The following DGKB variants were observed in gnomAD, a reference collection of about 807,000 sequenced individuals.
DGKB encodes 90 kDa diacylglycerol kinase.
A neutral mutation model predicts 114.3 loss-of-function variants in DGKB; 67 were observed. The observed-to-expected ratio is 0.59, with a 90% CI of 0.48 to 0.72. The LOEUF (loss-of-function observed/expected upper bound fraction) is 0.72, where lower values mean the gene tolerates loss of function less well. DGKB is among the 30% of genes least tolerant of loss of function. The probability of loss-of-function intolerance (pLI) is 0.00; values close to 1 mark genes in which losing one functional copy is unlikely to be tolerated. For synonymous variants in DGKB, 398 were observed against 323.1 expected (o/e 1.23, Z -2.49); for missense variants, 907 against 975.2 (o/e 0.93, Z 0.93).
In DGKB at chr7:14,701,745, G is replaced by A; in HGVS notation, c.467-15C>T. 1 of 1,588,846 alleles carries A rather than the reference G, an allele frequency of 6.3e-7. No individual in the cohort carries two copies. Among genetic ancestry groups the A allele is most frequent in the Non-Finnish European group, 8.6e-7 (1 of 1,158,128 alleles). On this transcript the variant is annotated splice_polypyrimidine_tract_variant and intron_variant, in intron 6 of 25. Coordinates refer to ENST00000402815, the MANE Select transcript of DGKB (RefSeq NM_001350709.2). Reference sequence around the variant, plus strand: ...GCGAAACATAACTAGAATGAAAGAGGTGTTGAAAACAAGATTATAGGCAAA... The same window carrying A: ...GCGAAACATAACTAGAATGAAAGAGATGTTGAAAACAAGATTATAGGCAAA...
rs1258833738 is a variant in DGKB at position 14,769,226 on chromosome 7, GAGAGAA to G, written c.71-11501_71-11496del. On this transcript the variant is annotated intron_variant, in intron 2 of 25. Coordinates refer to ENST00000402815, the MANE Select transcript of DGKB (RefSeq NM_001350709.2). ...AAGAAAGGAAAGAAAGAGAAAGAGA[GAGAGAA>G]AGAAAGAAAGAAAGAAAGAAAGAAA... is the stretch of plus-strand genomic sequence containing the variant. Among the ~76,000 whole-genome samples, 7 of 137,522 alleles carry G rather than the reference GAGAGAA, an allele frequency of 5.1e-5. 1 individual carries two copies. The South Asian group carries it at 7.0e-4, about 14-fold the overall frequency. 90.2% of individuals were successfully genotyped at this position (137,522 alleles called of 152,430 possible).
At chr7:14,900,394 T>C (rs923230961) in intron 1 of DGKB, among the ~76,000 whole-genome samples, 1 of 152,152 alleles carries the variant, frequency 6.6e-6, no homozygotes, top group Non-Finnish European at 1.5e-5. Context: ...TGCAACAGTA[T>C]TGTGCATATA....
intron 21 of DGKB, among the ~76,000 whole-genome samples, chr7:14,356,554 G>T (rs1311455548): frequency 1.3e-5 from 2 of 151,644 alleles, no homozygotes; most frequent in Non-Finnish European, 2.9e-5. Context: ...GTAGAGATGG[G>T]TTTCATTGTG....
At chr7:14,327,055 C>T (rs561582025) in intron 23 of DGKB, among the ~76,000 whole-genome samples, 6 of 152,140 alleles carry the variant, frequency 3.9e-5, no homozygotes, top group African/African-American at 1.4e-4. Context: ...AACTTTTATA[C>T]CTATAGTAAT....
At chr7:14,511,164 T>C (rs1443317011) in intron 20 of DGKB, among the ~76,000 whole-genome samples, 6 of 152,216 alleles carry the variant, frequency 3.9e-5, no homozygotes, top group South Asian at 4.1e-4. Flanking sequence ...TTTGAAGCCA[T>C]GTACTGGCCT....
intron 2 of DGKB, among the ~76,000 whole-genome samples, chr7:14,781,294 T>C (rs1465949094): frequency 6.6e-6 from 1 of 152,204 alleles, no homozygotes; most frequent in African/African-American, 2.4e-5. Flanking sequence ...CTGCTTATCT[T>C]TCAATTCAGT....
At chr7:14,512,314 T>G (rs1482186140) in intron 20 of DGKB, among the ~76,000 whole-genome samples, 1 of 152,180 alleles carries the variant, frequency 6.6e-6, no homozygotes, top group East Asian at 1.9e-4. Flanking sequence ...CTTTACAAGA[T>G]GGAATTATTG....
At chr7:14,708,142 A>C (rs1262912096) in intron 6 of DGKB, among the ~76,000 whole-genome samples, 1 of 60,176 alleles carries the variant, frequency 1.7e-5, no homozygotes, top group Non-Finnish European at 2.9e-5. Context: ...AAATCAATGT[A>C]CAAAAATCAC....
At chr7:14,209,490 G>T (rs1787400321) in intron 23 of DGKB, 1 of 491,708 alleles carries the variant, frequency 2.0e-6, no homozygotes, top group South Asian at 1.5e-5. Context: ...CCTTCCAAAG[G>T]TTTTTTTATC....
chr7:14,614,201 C>A (rs1806111292), intron 15 of DGKB, among the ~76,000 whole-genome samples: 1 of 152,070 alleles, frequency 6.6e-6, no homozygotes, highest in Admixed American at 6.6e-5. Context: ...AGCAATGAAA[C>A]ATGCCACGAT....
chr7:14,848,537 T>C (rs1848940359), intron 1 of DGKB, among the ~76,000 whole-genome samples: 1 of 152,206 alleles, frequency 6.6e-6, no homozygotes, highest in Non-Finnish European at 1.5e-5. Context: ...ATAGATGATA[T>C]TTCAAGAATT....
intron 1 of DGKB, among the ~76,000 whole-genome samples, chr7:14,861,798 T>A (rs1851017651): frequency 1.3e-5 from 2 of 152,038 alleles, no homozygotes; most frequent in African/African-American, 4.8e-5. Context: ...TAGAACTGAA[T>A]TCCTTCATTT....
At position 14,613,327 on chromosome 7, in the gene DGKB, T is replaced by C. The variant is rs1326725528; in HGVS notation, c.1358+13A>G. On this transcript the variant is annotated intron_variant, in intron 16 of 25. Coordinates refer to ENST00000402815, the MANE Select transcript of DGKB (RefSeq NM_001350709.2). The stretch of plus-strand genomic sequence containing the variant: ...TACATGACATAGACACTAAAATCAA[T>C]CAAAAAACATACCGTTCTCCTTGTT... 6.5e-7 allele frequency: 1 copy of C among 1,535,180 alleles called. No individual in the cohort carries two copies. The highest frequency in any genetic ancestry group is 8.9e-7 in the Non-Finnish European group (1 of 1,129,784).
At chr7:14,428,625 GAAGT>G (rs1827953206) in intron 21 of DGKB, among the ~76,000 whole-genome samples, 1 of 151,984 alleles carries the variant, frequency 6.6e-6, no homozygotes, top group Non-Finnish European at 1.5e-5. Flanking sequence ...GCTCTTAAAT[GAAGT>G]GAGTACAACA....
At chr7:14,847,825 G>A (rs9691738) in intron 1 of DGKB, among the ~76,000 whole-genome samples, 15,418 of 152,142 alleles carry the variant, frequency 0.1, 1,438 homozygotes, top group East Asian at 0.3. Context: ...AAACTTGAAT[G>A]AAGATTAAAA....
intron 21 of DGKB, among the ~76,000 whole-genome samples, chr7:14,375,167 C>T (rs145970615): frequency 6.6e-6 from 1 of 152,292 alleles, no homozygotes; most frequent in African/African-American, 2.4e-5. Context: ...GCCACATACC[C>T]AGGCCACTAC....
chr7:14,400,344 G>T (rs556180354), intron 21 of DGKB, among the ~76,000 whole-genome samples: 1 of 151,698 alleles, frequency 6.6e-6, no homozygotes, highest in Non-Finnish European at 1.5e-5. Flanking sequence ...ATAAAAATTC[G>T]AGTATTTCAG....
At chr7:14,615,921 G>A (rs1206387741) in intron 15 of DGKB, among the ~76,000 whole-genome samples, 3 of 151,470 alleles carry the variant, frequency 2.0e-5, no homozygotes, top group Non-Finnish European at 4.4e-5. Flanking sequence ...CTGACAAAAT[G>A]AATATAAATA....
intron 21 of DGKB, among the ~76,000 whole-genome samples, chr7:14,347,602 T>C (rs1012850015): frequency 6.6e-6 from 1 of 151,964 alleles, no homozygotes; most frequent in Admixed American, 6.6e-5. Context: ...CAACTGTGGT[T>C]ATCAGGGGTC....
Sources: gnomAD v4.1 joint callset for allele counts (sites outside exome capture counted in the v4.1 genomes callset) on GRCh38, gnomAD v4.1.1 for gene constraint, MANE v1.5 for transcripts, NCBI Gene and HGNC (gene_info 2026-07-23, HGNC 2026-07-21) for gene names.